The following KLHL20 variants were observed in gnomAD, a reference collection of about 807,000 sequenced individuals.
The protein encoded by KLHL20 is kelch like family member 20, also known as kelch-like protein 20.
In KLHL20, 29 loss-of-function variants were observed where a neutral mutation model predicts 69.5. The observed-to-expected ratio is 0.42, with a 90% CI of 0.31 to 0.57. KLHL20 has a LOEUF of 0.57. KLHL20 is among the 20% of genes least tolerant of loss of function. The pLI is 0.18. For missense variants in KLHL20, 419 were observed against 776.0 expected (o/e 0.54, Z 5.47); for synonymous variants, 253 against 265.2 (o/e 0.95, Z 0.45).
chr1:173,740,178 G>A (rs1037752798), intron 3 of KLHL20, among the ~76,000 whole-genome samples: 1 of 146,990 alleles, frequency 6.8e-6, no homozygotes, highest in African/African-American at 2.5e-5. Context: ...CTGGAGTGCA[G>A]TGGCGCGATT....
intron 3 of KLHL20, 74 bp from the exon 4 acceptor site, chr1:173,751,690 A>G: frequency 6.9e-7 from 1 of 1,452,792 alleles, no homozygotes; most frequent in Non-Finnish European, 9.5e-7. Flanking sequence ...TTTGTCCCAT[A>G]ACCCTGAAGA....
intron 7 of KLHL20, among the ~76,000 whole-genome samples, chr1:173,762,860 T>TG (rs1647400084): frequency 6.6e-6 from 1 of 152,134 alleles, no homozygotes; most frequent in African/African-American, 2.4e-5. Context: ...AACATAGTAC[T>TG]GGAAGTCCTA....
At chr1:173,736,445 C>A (rs918999844) in intron 3 of KLHL20, among the ~76,000 whole-genome samples, 18 of 152,056 alleles carry the variant, frequency 1.2e-4, no homozygotes, top group Non-Finnish European at 2.5e-4. Flanking sequence ...TGGGCAGTAA[C>A]CAGTAGTGGG....
chr1:173,730,700 ACC>A (rs1672228840), intron 2 of KLHL20, among the ~76,000 whole-genome samples: 2 of 152,234 alleles, frequency 1.3e-5, no homozygotes, highest in Non-Finnish European at 2.9e-5. Flanking sequence ...CCTTCATTAC[ACC>A]TTATACAAAA....
intron 8 of KLHL20, among the ~76,000 whole-genome samples, chr1:173,771,315 G>T (rs1166656408): frequency 1.3e-5 from 2 of 151,952 alleles, no homozygotes; most frequent in African/African-American, 2.4e-5. Flanking sequence ...AAGGTGGGAG[G>T]ATCGCTTGAG....
chr1:173,716,682 A>C (rs951443350), intron 2 of KLHL20, among the ~76,000 whole-genome samples: 1 of 152,192 alleles, frequency 6.6e-6, no homozygotes, highest in Non-Finnish European at 1.5e-5. Flanking sequence ...TGAGACTAGA[A>C]TCTTTATGAT....
At chr1:173,751,383 T>C (rs112970092) in intron 3 of KLHL20, among the ~76,000 whole-genome samples, 9 of 152,280 alleles carry the variant, frequency 5.9e-5, no homozygotes, top group African/African-American at 2.2e-4. Context: ...GACCCCTTGG[T>C]TTTTCTGCCC....
chr1:173,757,312 T>C (rs1348937074), intron 7 of KLHL20, among the ~76,000 whole-genome samples, 153 bp downstream of exon 7: 2 of 152,180 alleles, frequency 1.3e-5, no homozygotes, highest in African/African-American at 4.8e-5. Context: ...AAATTCTTTA[T>C]GATCTGGTCT....
rs77489136 is a variant in KLHL20, at chr1:173,722,703, T to G, written c.23+6637T>G. On this transcript the variant is annotated intron_variant, in intron 2 of 11. Coordinates refer to ENST00000209884, the MANE Select transcript of KLHL20 (RefSeq NM_014458.4). ...GCTATGGTAATTTTTTTTTTTTTTT[T>G]GACATAGAGTTTCGCTTTTGTTTCC... is the stretch of plus-strand genomic sequence containing the variant. Among the ~76,000 whole-genome samples the G allele has an allele frequency of 4.9e-3, 743 of 150,698 alleles. 30 individuals carry two copies. The East Asian group carries it at 0.12, about 24-fold the overall frequency.
At chr1:173,717,878 A>G (rs1308007718) in intron 2 of KLHL20, among the ~76,000 whole-genome samples, 2 of 152,328 alleles carry the variant, frequency 1.3e-5, no homozygotes, top group Non-Finnish European at 2.9e-5. Flanking sequence ...GCATTTTATT[A>G]GTAAAGTTTC....
intron 3 of KLHL20, among the ~76,000 whole-genome samples, chr1:173,744,761 A>G (rs1029651552): frequency 2.0e-5 from 3 of 152,138 alleles, no homozygotes; most frequent in African/African-American, 4.8e-5. Context: ...AAATTTCTGT[A>G]TGTACTTGGT....
intron 2 of KLHL20, among the ~76,000 whole-genome samples, chr1:173,731,194 A>T (rs1319318075): frequency 3.3e-5 from 5 of 152,148 alleles, no homozygotes; most frequent in Admixed American, 2.6e-4. Context: ...TTAGAATGGC[A>T]ATCATTAAAA....
intron 2 of KLHL20, 35 bp from the exon 3 acceptor site, chr1:173,733,678 T>C (rs1431919932): frequency 1.4e-6 from 2 of 1,444,646 alleles, no homozygotes; most frequent in South Asian, 1.2e-5. Flanking sequence ...ATAATAATAC[T>C]GCCATCTTCT....
At chr1:173,744,754 T>C (rs956277872) in intron 3 of KLHL20, among the ~76,000 whole-genome samples, 3 of 152,208 alleles carry the variant, frequency 2.0e-5, no homozygotes, top group Admixed American at 6.5e-5. Context: ...ATACACTAAA[T>C]TTCTGTATGT....
At chr1:173,734,326 A>T in intron 3 of KLHL20, 40 bp downstream of exon 3, 1 of 1,546,230 alleles carries the variant, frequency 6.5e-7, no homozygotes, top group Non-Finnish European at 8.9e-7. Context: ...CATTTGTTGG[A>T]GAGCAATATG....
At chr1:173,721,835 C>T (rs749588083) in intron 2 of KLHL20, among the ~76,000 whole-genome samples, 2 of 152,098 alleles carry the variant, frequency 1.3e-5, no homozygotes, top group African/African-American at 4.8e-5. Context: ...TTTATACACT[C>T]AAATCTCCAG....
At chr1:173,761,041 G>A (rs1337443693) in intron 7 of KLHL20, among the ~76,000 whole-genome samples, 1 of 152,084 alleles carries the variant, frequency 6.6e-6, no homozygotes, top group African/African-American at 2.4e-5. Flanking sequence ...AGTGGAAAAA[G>A]GCATTTAATG....
intron 7 of KLHL20, among the ~76,000 whole-genome samples, chr1:173,757,799 A>G (rs1415486161): frequency 1.3e-5 from 2 of 152,138 alleles, no homozygotes; most frequent in Non-Finnish European, 2.9e-5. Context: ...TTCCATAAGT[A>G]TTTTGAACAT....
intron 8 of KLHL20, among the ~76,000 whole-genome samples, chr1:173,772,567 A>G (rs1256928637): frequency 6.6e-6 from 1 of 152,196 alleles, no homozygotes; most frequent in Non-Finnish European, 1.5e-5. Context: ...TGATTAACCA[A>G]ATAGTTAATA....
Sources: gnomAD v4.1 joint callset for allele counts (sites outside exome capture counted in the v4.1 genomes callset) on GRCh38, gnomAD v4.1.1 for gene constraint, MANE v1.5 for transcripts, NCBI Gene and HGNC (gene_info 2026-07-23, HGNC 2026-07-21) for gene names.